Variants in CNTN5 observed in about 807,000 individuals in gnomAD.
CNTN5 encodes the protein contactin 5.
In CNTN5, 77 loss-of-function variants were observed where a neutral mutation model predicts 129.1. The observed-to-expected ratio is 0.60, with a 90% confidence interval of 0.50 to 0.72. The LOEUF (loss-of-function observed/expected upper bound fraction) is 0.72, where lower values mean the gene tolerates loss of function less well. CNTN5 is among the 30% of genes least tolerant of loss of function. The pLI, the probability that CNTN5 is intolerant of heterozygous loss-of-function variation, is 0.00. For synonymous variants in CNTN5, 509 were observed against 465.6 expected, an observed-to-expected ratio of 1.09 and a Z score of -1.20; for missense variants, 1,478 against 1,328.8, an observed-to-expected ratio of 1.11 and a Z score of -1.75.
intron 13 of CNTN5, among the ~76,000 whole-genome samples, chr11:100,166,262 A>G (rs568909924): frequency 6.6e-6 from 1 of 151,802 alleles, no homozygotes; most frequent in African/African-American, 2.4e-5. Flanking sequence ...TGAACCAATT[A>G]GAGATTTGGG....
Position 99,139,113 on chromosome 11 carries a change from C to A in CNTN5, c.-210+117843C>A, listed in dbSNP as rs10790487. Among the ~76,000 whole-genome samples, 869 of 138,758 alleles carry A rather than the reference C, an allele frequency of 6.3e-3. 3 individuals carry two copies. Among genetic ancestry groups the A allele is most frequent in the African/African-American group, 9.7e-3 (364 of 37,674 alleles). 91.0% of individuals were successfully genotyped at this position (138,758 alleles called of 152,430 possible). Reference sequence around the variant, plus strand: ...CTACCCCCTCCCCACCCCCCCCCCCCAAAAATTAGCCAGGCATAGTGTCCA... The same window carrying A: ...CTACCCCCTCCCCACCCCCCCCCCCAAAAAATTAGCCAGGCATAGTGTCCA... On this transcript the variant is annotated intron_variant, in intron 1 of 24. Coordinates refer to ENST00000524871, the MANE Select transcript of CNTN5 (RefSeq NM_014361.4).
intron 2 of CNTN5, among the ~76,000 whole-genome samples, chr11:99,545,528 T>G (rs17133777): frequency 0.011 from 1,736 of 152,328 alleles, 31 homozygotes; most frequent in African/African-American, 0.039. Context: ...TGGGTTTATT[T>G]CTCTTGCTAG....
At chr11:100,146,324 C>T (rs193010721) in intron 13 of CNTN5, among the ~76,000 whole-genome samples, 17 of 152,150 alleles carry the variant, frequency 1.1e-4, no homozygotes, top group Admixed American at 3.9e-4. Context: ...TACTTTCTTC[C>T]GTACACATTT....
At chr11:99,056,738 A>T (rs947515932) in intron 1 of CNTN5, among the ~76,000 whole-genome samples, 1 of 152,000 alleles carries the variant, frequency 6.6e-6, no homozygotes, top group Non-Finnish European at 1.5e-5. Context: ...GGAATACAAG[A>T]CAGGGTCCTG....
intron 1 of CNTN5, among the ~76,000 whole-genome samples, chr11:99,264,260 T>G (rs957914025): frequency 3.3e-5 from 5 of 151,666 alleles, no homozygotes; most frequent in African/African-American, 4.8e-5. Flanking sequence ...GATTGTACCT[T>G]TCTTAGAATT....
intron 4 of CNTN5, among the ~76,000 whole-genome samples, chr11:99,829,451 T>A (rs148800220): frequency 6.6e-6 from 1 of 152,156 alleles, no homozygotes; most frequent in African/African-American, 2.4e-5. Context: ...TGATACTTGA[T>A]TGAGGTGAAG....
intron 18 of CNTN5, among the ~76,000 whole-genome samples, chr11:100,272,999 A>G (rs1368418275): frequency 6.6e-6 from 1 of 152,088 alleles, no homozygotes; most frequent in African/African-American, 2.4e-5. Flanking sequence ...TTTGCTCCAT[A>G]GGAGACTTTA....
At chr11:99,476,474 T>G (rs1363477834) in intron 2 of CNTN5, among the ~76,000 whole-genome samples, 1 of 152,174 alleles carries the variant, frequency 6.6e-6, no homozygotes, top group Non-Finnish European at 1.5e-5. Context: ...AATTACTTCA[T>G]GAGTTATGAT....
intron 6 of CNTN5, among the ~76,000 whole-genome samples, chr11:99,845,597 C>G (rs1308817715): frequency 6.6e-6 from 1 of 151,938 alleles, no homozygotes; most frequent in Non-Finnish European, 1.5e-5. Flanking sequence ...TGGTGTCGAT[C>G]TCCTGACCTC....
intron 13 of CNTN5, among the ~76,000 whole-genome samples, chr11:100,083,700 C>T (rs1409154674): frequency 3.3e-5 from 5 of 152,038 alleles, no homozygotes; most frequent in Non-Finnish European, 7.4e-5. Flanking sequence ...AGTATGTTTA[C>T]ATAGTATAAC....
chr11:99,956,815 A>G lies in CNTN5; in HGVS notation c.683A>G (p.Tyr228Cys). Reference protein sequence around the residue: ...SPPPHSPEIIYSWVFNEFPSF... With the variant: ...SPPPHSPEIICSWVFNEFPSF... Reference sequence around the variant, plus strand: ...TTTTGTGTATTTTCAGAGATCATCTATAGCTGGGTATTTAATGAGTTCCCT... The same window carrying G: ...TTTTGTGTATTTTCAGAGATCATCTGTAGCTGGGTATTTAATGAGTTCCCT... The change falls in exon 8 of 25, where the codon TAT becomes TGT. Residue 228 changes from tyrosine to cysteine, a missense_variant. By Grantham distance (194) the Tyr-to-Cys change is radical. Transcript: ENST00000524871. 1.2e-6 allele frequency: 2 copies of G among 1,613,742 alleles called. No homozygotes were observed. The highest frequency in any genetic ancestry group is 2.2e-5 in the South Asian group (2 of 91,066).
At chr11:99,329,553 T>C (rs954052601) in intron 2 of CNTN5, among the ~76,000 whole-genome samples, 6 of 152,160 alleles carry the variant, frequency 3.9e-5, no homozygotes, top group African/African-American at 1.4e-4. Flanking sequence ...AAGGGCTCTA[T>C]CTCTTCATTA....
chr11:99,319,918 T>C (rs1181072956), intron 1 of CNTN5, among the ~76,000 whole-genome samples: 1 of 152,082 alleles, frequency 6.6e-6, no homozygotes. Context: ...CAAATAAACA[T>C]GATTTGATAA....
intron 13 of CNTN5, among the ~76,000 whole-genome samples, chr11:100,119,947 T>A (rs1174042541): frequency 6.6e-6 from 1 of 151,980 alleles, no homozygotes; most frequent in East Asian, 1.9e-4. Context: ...AAAACAAAAA[T>A]TATTTAATGA....
chr11:100,228,919 C>G (rs1239930853), intron 16 of CNTN5, among the ~76,000 whole-genome samples: 3 of 152,060 alleles, frequency 2.0e-5, no homozygotes, highest in Non-Finnish European at 4.4e-5. Flanking sequence ...AAGAACAATG[C>G]CAAATGGAAA....
intron 9 of CNTN5, among the ~76,000 whole-genome samples, chr11:100,005,433 C>T (rs1170062845): frequency 6.6e-6 from 1 of 152,110 alleles, no homozygotes; most frequent in East Asian, 1.9e-4. Flanking sequence ...CATTCTCCAA[C>T]TCTCTTTTTT....
intron 3 of CNTN5, among the ~76,000 whole-genome samples, chr11:99,816,330 C>A (rs1946584958): frequency 6.6e-6 from 1 of 152,100 alleles, no homozygotes; most frequent in Admixed American, 6.5e-5. Flanking sequence ...TTTCAATAAC[C>A]ATCTATTTGG....
At chr11:99,795,986 G>C (rs1433991961) in intron 3 of CNTN5, among the ~76,000 whole-genome samples, 1 of 152,212 alleles carries the variant, frequency 6.6e-6, no homozygotes, top group Non-Finnish European at 1.5e-5. Flanking sequence ...AGAGGGTGGA[G>C]TGCATGTGCA....
intron 3 of CNTN5, among the ~76,000 whole-genome samples, chr11:99,699,788 T>C (rs1954438868): frequency 6.6e-6 from 1 of 151,412 alleles, no homozygotes. Context: ...GTCTTCCTTT[T>C]CTCTTATTCC....
Sources: allele counts gnomAD v4.1 joint callset (sites outside exome capture counted in the v4.1 genomes callset), GRCh38; gene constraint gnomAD v4.1.1; transcripts MANE v1.5; gene names NCBI Gene and HGNC (gene_info 2026-07-23, HGNC 2026-07-21).